The following NRXN3 variants were observed in gnomAD, a reference collection of about 807,000 sequenced individuals.
NRXN3 encodes the protein neurexin III.
A neutral mutation model predicts 137.6 loss-of-function variants in NRXN3; 32 were observed. The ratio of observed to expected loss-of-function variants is 0.23; its 90% CI spans 0.18 to 0.31. The LOEUF (loss-of-function observed/expected upper bound fraction) is 0.31. Ranked by LOEUF, NRXN3 falls within the 10% of genes least tolerant of loss-of-function variation. NRXN3 has a pLI of 1.00. For synonymous variants in NRXN3, 798 were observed against 784.5 expected (o/e 1.02, Z -0.29); for missense variants, 1,574 against 2,062.5 (o/e 0.76, Z 4.59).
At chr14:78,581,933 T>C (rs2097002522) in intron 4 of NRXN3, among the ~76,000 whole-genome samples, 1 of 152,252 alleles carries the variant, frequency 6.6e-6, no homozygotes, top group Non-Finnish European at 1.5e-5. Context: ...GCTTAAATGT[T>C]CTCAGCATTA....
At chr14:78,379,756 A>T (rs530409721) in intron 4 of NRXN3, among the ~76,000 whole-genome samples, 29 of 152,340 alleles carry the variant, frequency 1.9e-4, no homozygotes, top group African/African-American at 7.0e-4. Flanking sequence ...CTAGCCAGTG[A>T]AATAAGGCAA....
At chr14:79,597,065 C>T (rs1318472116) in intron 16 of NRXN3, among the ~76,000 whole-genome samples, 1 of 152,160 alleles carries the variant, frequency 6.6e-6, no homozygotes, top group Admixed American at 6.5e-5. Context: ...CTACCTTAGT[C>T]CTTCTTTTTA....
chr14:78,377,441 G>A (rs1057118768), intron 4 of NRXN3, among the ~76,000 whole-genome samples: 6 of 152,152 alleles, frequency 3.9e-5, no homozygotes, highest in Non-Finnish European at 5.9e-5. Flanking sequence ...AGACAAATTC[G>A]CAGTTATGGT....
intron 15 of NRXN3, among the ~76,000 whole-genome samples, chr14:79,378,786 G>A (rs1470411723): frequency 6.6e-6 from 1 of 151,414 alleles, no homozygotes; most frequent in African/African-American, 2.4e-5. Context: ...TAAAATTGAG[G>A]TTTTTATCTC....
intron 1 of NRXN3, among the ~76,000 whole-genome samples, chr14:78,214,961 C>T (rs1278269138): frequency 2.6e-5 from 4 of 152,176 alleles, no homozygotes; most frequent in Non-Finnish European, 4.4e-5. Context: ...AAACCATTAA[C>T]CTGTAGGACT....
At chr14:79,374,453 A>T (rs1466561285) in intron 15 of NRXN3, among the ~76,000 whole-genome samples, 1 of 152,092 alleles carries the variant, frequency 6.6e-6, no homozygotes, top group Non-Finnish European at 1.5e-5. Flanking sequence ...CCACATTCTA[A>T]ATAAGACCTA....
At chr14:79,099,184 T>G (rs2050846069) in intron 15 of NRXN3, among the ~76,000 whole-genome samples, 1 of 152,190 alleles carries the variant, frequency 6.6e-6, no homozygotes, top group Non-Finnish European at 1.5e-5. Flanking sequence ...ATGAGTAGGT[T>G]TTTTAGATAC....
At position 78,296,755 on chromosome 14, in the gene NRXN3, A is replaced by G. The variant is rs547697647; in HGVS notation, c.728-1076A>G. ...TTTAAAAGTCAGTTGCTTGACCTAT[A>G]TTTTGTCTCTGATTACTTTTCTAAA... is the stretch of plus-strand genomic sequence containing the variant. On this transcript the variant is annotated intron_variant, in intron 3 of 20. Transcript: ENST00000335750. Among the ~76,000 whole-genome samples the G allele has an allele frequency of 7.2e-5, 11 of 152,216 alleles. 1 individual carries two copies. In the South Asian group the frequency reaches 2.3e-3, roughly 32 times the overall value.
intron 15 of NRXN3, among the ~76,000 whole-genome samples, chr14:79,270,626 A>G (rs1186067033): frequency 1.3e-5 from 2 of 152,132 alleles, no homozygotes; most frequent in African/African-American, 4.8e-5. Flanking sequence ...GAACCCAGAT[A>G]TAAATCAACT....
intron 11 of NRXN3, among the ~76,000 whole-genome samples, chr14:78,957,740 T>G (rs1379896751): frequency 6.6e-6 from 1 of 152,218 alleles, no homozygotes; most frequent in Non-Finnish European, 1.5e-5. Context: ...CACTCTCTAG[T>G]AGAAGAGATG....
At chr14:78,469,697 T>C (rs759391155) in intron 4 of NRXN3, among the ~76,000 whole-genome samples, 3 of 152,202 alleles carry the variant, frequency 2.0e-5, no homozygotes, top group Non-Finnish European at 4.4e-5. Context: ...GAAATCGCCC[T>C]GAAAAGCTCT....
chr14:79,715,383 A>G (rs1222313313), intron 19 of NRXN3, among the ~76,000 whole-genome samples: 1 of 152,192 alleles, frequency 6.6e-6, no homozygotes, highest in East Asian at 1.9e-4. Context: ...CCAGGTGGTG[A>G]TGGAAGTATT....
intron 15 of NRXN3, among the ~76,000 whole-genome samples, chr14:79,371,598 A>G (rs1228902297): frequency 1.3e-5 from 2 of 152,158 alleles, no homozygotes; most frequent in African/African-American, 4.8e-5. Flanking sequence ...ACCCATTCAC[A>G]TGGTTTTATC....
At chr14:78,333,781 A>G (rs778117523) in intron 4 of NRXN3, among the ~76,000 whole-genome samples, 3 of 151,988 alleles carry the variant, frequency 2.0e-5, no homozygotes, top group Non-Finnish European at 4.4e-5. Flanking sequence ...TCTGGTTTCT[A>G]CTCTGAGAGA....
intron 10 of NRXN3, among the ~76,000 whole-genome samples, chr14:78,825,916 C>T (rs1418385772): frequency 6.6e-6 from 1 of 152,222 alleles, no homozygotes; most frequent in African/African-American, 2.4e-5. Context: ...CAGGGATTGA[C>T]TATTCAGTTG....
intron 15 of NRXN3, among the ~76,000 whole-genome samples, chr14:79,451,937 T>A (rs1210368603): frequency 2.0e-5 from 3 of 152,128 alleles, no homozygotes; most frequent in African/African-American, 7.2e-5. Flanking sequence ...AGCGTTCAAA[T>A]GCAGGCTTCA....
chr14:78,743,937 AACCTAGCATT>A (rs2098594682), intron 8 of NRXN3, among the ~76,000 whole-genome samples: 1 of 152,220 alleles, frequency 6.6e-6, no homozygotes, highest in Non-Finnish European at 1.5e-5. Context: ...TATTGCAGTC[AACCTAGCATT>A]CAAAGAGAAC....
intron 8 of NRXN3, among the ~76,000 whole-genome samples, chr14:78,760,702 C>T (rs2098689520): frequency 6.6e-6 from 1 of 151,874 alleles, no homozygotes; most frequent in African/African-American, 2.4e-5. Flanking sequence ...CATGGATGCT[C>T]TGTTTTATGG....
chr14:78,576,003 C>T lies in NRXN3; in HGVS notation c.758-69117C>T, dbSNP rs1003385051. Among the ~76,000 whole-genome samples, 60 of 152,108 alleles carry T rather than the reference C, an allele frequency of 3.9e-4. 1 individual carries two copies. The highest frequency in any genetic ancestry group is 2.1e-4 in the Non-Finnish European group (14 of 68,030). On this transcript the variant is annotated intron_variant, in intron 4 of 20. Coordinates refer to ENST00000335750, the MANE Select transcript of NRXN3 (RefSeq NM_001330195.2). The stretch of plus-strand genomic sequence containing the variant: ...ACATTCACTGTTGCAAGATTGGGAA[C>T]GTACAATAAATGTCACTGATGGAGA...
Sources: gnomAD v4.1 joint callset for allele counts (sites outside exome capture counted in the v4.1 genomes callset) on GRCh38, gnomAD v4.1.1 for gene constraint, MANE v1.5 for transcripts, NCBI Gene and HGNC (gene_info 2026-07-23, HGNC 2026-07-21) for gene names.